Variants in OVOL2 observed in about 807,000 individuals in gnomAD.
OVOL2 encodes ovo like zinc finger 2.
In OVOL2, 13 loss-of-function variants were observed where a neutral mutation model predicts 18.1. The ratio of observed to expected loss-of-function variants is 0.72; its 90% CI spans 0.47 to 1.14. The LOEUF (loss-of-function observed/expected upper bound fraction) is 1.14. Ranked by LOEUF, OVOL2 falls within the 50% of genes most tolerant of loss-of-function variation. OVOL2 has a pLI of 0.00. For missense variants in OVOL2, 335 were observed against 383.0 expected (o/e 0.87, Z 1.05); for synonymous variants, 166 against 162.7 (o/e 1.02, Z -0.16).
At position 18,056,374 on chromosome 20, in the gene OVOL2, G is replaced by C. The variant is rs373718641; in HGVS notation, c.321+283C>G. On this transcript the variant is annotated intron_variant, in intron 2 of 3. Coordinates refer to ENST00000278780, the MANE Select transcript of OVOL2 (RefSeq NM_021220.4). The surrounding 1 kb of genome is among the most constrained non-coding windows in gnomAD (Gnocchi z 4.2). ...AAGGCAGTGATGCCTGTGCCTTTTC[G>C]GCAGTTCCAGAGGCAGCACTCGGCA... 1.7e-3 allele frequency among the ~76,000 whole-genome samples: 263 copies of C among 152,334 alleles called. 1 individual carries two copies. Among genetic ancestry groups the C allele is most frequent in the African/African-American group, 5.8e-3 (240 of 41,596 alleles).
chr20:18,041,848 C>T (rs1490561287), intron 2 of OVOL2, 125 bp from the exon 3 acceptor site: 2 of 810,032 alleles, frequency 2.5e-6, no homozygotes, highest in Non-Finnish European at 3.6e-6. Context: ...CTAAAATTTT[C>T]AAGCAGGTTT....
chr20:18,056,428 C>T lies in OVOL2; in HGVS notation c.321+229G>A, dbSNP rs1012840982. Among the ~76,000 whole-genome samples the T allele has an allele frequency of 2.6e-5, 4 of 152,094 alleles. No homozygotes were observed. Among genetic ancestry groups the T allele is most frequent in the African/African-American group, 9.6e-5 (4 of 41,454 alleles). On this transcript the variant is annotated intron_variant, in intron 2 of 3. Coordinates refer to ENST00000278780, the MANE Select transcript of OVOL2 (RefSeq NM_021220.4). This position sits in a 1 kb window ranked among gnomAD's most constrained non-coding sequence, Gnocchi z 4.2. Reference sequence around the variant, plus strand: ...GGCGGGGCCACCGGGAGGACGGAGCCCACTCCGGGAACCGGCCGCCCCTGC... The same window carrying T: ...GGCGGGGCCACCGGGAGGACGGAGCTCACTCCGGGAACCGGCCGCCCCTGC...
At chr20:18,047,024 T>A (rs969888284) in intron 2 of OVOL2, among the ~76,000 whole-genome samples, 1 of 152,030 alleles carries the variant, frequency 6.6e-6, no homozygotes, top group Non-Finnish European at 1.5e-5. Context: ...TTTCCCCACA[T>A]GTAAAACAAT....
intron 3 of OVOL2, among the ~76,000 whole-genome samples, chr20:18,032,076 C>T (rs893288053): frequency 1.6e-4 from 24 of 152,036 alleles, no homozygotes; most frequent in African/African-American, 5.1e-4. Flanking sequence ...AAAAAAATCA[C>T]ACTGTATCTA....
chr20:18,034,626 T>TTCTCTCTCTCTCTCTCTCTCTC (rs11466923), intron 3 of OVOL2, among the ~76,000 whole-genome samples: 21 of 138,122 alleles, frequency 1.5e-4, no homozygotes, highest in African/African-American at 5.7e-4. Context: ...CTTCCCCTCT[T>TTCTCTCTCTCTCTCTCTCTCTC]TCTCTCTCTC....
At chr20:18,043,583 C>T (rs2122713088) in intron 2 of OVOL2, among the ~76,000 whole-genome samples, 1 of 152,310 alleles carries the variant, frequency 6.6e-6, no homozygotes, top group Middle Eastern at 3.4e-3. Flanking sequence ...CCCCCACTAA[C>T]ACTACCCAGA....
At chr20:18,046,639 C>A (rs1276585351) in intron 2 of OVOL2, among the ~76,000 whole-genome samples, 3 of 152,164 alleles carry the variant, frequency 2.0e-5, no homozygotes, top group Non-Finnish European at 4.4e-5. Flanking sequence ...GCCAGACCTG[C>A]CACATTTCTA....
At chr20:18,041,016 C>T (rs1194891673) in intron 3 of OVOL2, among the ~76,000 whole-genome samples, 1 of 152,168 alleles carries the variant, frequency 6.6e-6, no homozygotes, top group Admixed American at 6.5e-5. Context: ...CTCGCTAGAA[C>T]TCACATCGAT....
chr20:18,034,415 A>AT (rs2036596863), intron 3 of OVOL2, among the ~76,000 whole-genome samples: 1 of 152,096 alleles, frequency 6.6e-6, no homozygotes, highest in South Asian at 2.1e-4. Context: ...AGCAAAACCC[A>AT]TGCTCATCCT....
rs551871862 is a variant in OVOL2, at chr20:18,045,336, A to T, written c.322-3613T>A. Among the ~76,000 whole-genome samples, 4 of 152,356 alleles carry T rather than the reference A, an allele frequency of 2.6e-5. No homozygotes were observed. In the South Asian group the frequency reaches 8.3e-4, roughly 32 times the overall value. On this transcript the variant is annotated intron_variant, in intron 2 of 3. Transcript: ENST00000278780. Reference sequence around the variant, plus strand: ...AATTACCCTGGTAATTCCAGTTAAAATTAGTAAAAACCTGCAACTGTCTTT... The same window carrying T: ...AATTACCCTGGTAATTCCAGTTAAATTTAGTAAAAACCTGCAACTGTCTTT...
intron 3 of OVOL2, among the ~76,000 whole-genome samples, chr20:18,025,953 C>T (rs1373607136): frequency 6.6e-6 from 1 of 152,254 alleles, no homozygotes; most frequent in African/African-American, 2.4e-5. Context: ...TGGACAGTTG[C>T]CACTTGGACA....
upstream of OVOL2, chr20:18,057,991 GGCTGCCTGTTCCA>G (rs1200833727): frequency 3.1e-6 from 2 of 639,764 alleles, no homozygotes; most frequent in Non-Finnish European, 2.1e-6. This position sits in a 1 kb window ranked among gnomAD's most constrained non-coding sequence, Gnocchi z 6.3. Context: ...CGGCGGCCGG[GGCTGCCTGTTCCA>G]GCCCTTCCTT....
At position 18,057,203 on chromosome 20, in the gene OVOL2, C is replaced by G. The variant is rs575649559; in HGVS notation, c.101-326G>C. ...CCCCAGCTAGCCCCAGAAGGGTTGG[C>G]GAGCCTTTGTGCACCCCCATGAGGA... On this transcript the variant is annotated intron_variant, in intron 1 of 3. Coordinates refer to ENST00000278780, the MANE Select transcript of OVOL2 (RefSeq NM_021220.4). This position sits in a 1 kb window ranked among gnomAD's most constrained non-coding sequence, Gnocchi z 6.3. 2.0e-5 allele frequency among the ~76,000 whole-genome samples: 3 copies of G among 151,858 alleles called. No individual in the cohort carries two copies. The East Asian group carries it at 5.9e-4, about 30-fold the overall frequency.
chr20:18,032,163 G>C (rs1426621549), intron 3 of OVOL2, among the ~76,000 whole-genome samples: 1 of 151,530 alleles, frequency 6.6e-6, no homozygotes, highest in Non-Finnish European at 1.5e-5. Flanking sequence ...GGATATACAA[G>C]ATATACTCAT....
In OVOL2 at chr20:18,056,707, C is replaced by T. The variant is rs752711961; in HGVS notation, c.271G>A (p.Asp91Asn). The change falls in exon 2 of 4, where the codon GAT becomes AAT. Residue 91 changes from aspartate to asparagine, a missense_variant. Coordinates refer to ENST00000278780, the MANE Select transcript of OVOL2 (RefSeq NM_021220.4). The surrounding 1 kb of genome is among the most constrained non-coding windows in gnomAD (Gnocchi z 4.2). ...CGCTGCTTGGTCGCCAGGTGTCCAT[C>T]GGGGCCCTCGGCGTCGCCGGGCTCG... ...TPEPGDAEGP[D>N]GHLATKQRPV... 2 of 1,458,106 alleles carry T rather than the reference C, an allele frequency of 1.4e-6. No individual in the cohort carries two copies. Among genetic ancestry groups the T allele is most frequent in the African/African-American group, 3.0e-5 (2 of 67,170 alleles). The allele number at this position is 1,458,106 out of a possible 1,614,324, so 90.3% of individuals were successfully genotyped here.
At chr20:18,042,178 G>A (rs1204314065) in intron 2 of OVOL2, among the ~76,000 whole-genome samples, 3 of 152,054 alleles carry the variant, frequency 2.0e-5, no homozygotes, top group Non-Finnish European at 2.9e-5. Flanking sequence ...CTCCCAAAGT[G>A]CTGGGATTAC....
intron 2 of OVOL2, among the ~76,000 whole-genome samples, chr20:18,050,397 T>C (rs1600451034): frequency 6.6e-6 from 1 of 152,232 alleles, no homozygotes; most frequent in East Asian, 1.9e-4. Flanking sequence ...CTTCAGCTCC[T>C]AGGTGGCCCA....
At chr20:18,047,718 G>A (rs1324898115) in intron 2 of OVOL2, among the ~76,000 whole-genome samples, 2 of 149,302 alleles carry the variant, frequency 1.3e-5, no homozygotes, top group Admixed American at 6.7e-5. Flanking sequence ...GCCAGGCATG[G>A]TGGTAGGTGC....
intron 2 of OVOL2, among the ~76,000 whole-genome samples, chr20:18,046,943 C>CAAA (rs563761406): frequency 7.8e-6 from 1 of 128,914 alleles, no homozygotes; most frequent in Non-Finnish European, 1.7e-5. Flanking sequence ...TCTGAAGGAT[C>CAAA]AAAAAAAAAA....
Sources: gnomAD v4.1 joint callset for allele counts (sites outside exome capture counted in the v4.1 genomes callset) on GRCh38, gnomAD v4.1.1 for gene constraint, Gnocchi (gnomAD v3.1) non-coding constraint, MANE v1.5 for transcripts, NCBI Gene and HGNC (gene_info 2026-07-23, HGNC 2026-07-21) for gene names.